The following MGAT4C variants were observed in gnomAD, a reference collection of about 807,000 sequenced individuals.
The protein encoded by MGAT4C is MGAT4 family member C.
A neutral mutation model predicts 40.1 loss-of-function variants in MGAT4C; 19 were observed. The ratio of observed to expected loss-of-function variants is 0.47; its 90% CI spans 0.33 to 0.70. The LOEUF (loss-of-function observed/expected upper bound fraction) is 0.70. Ranked by LOEUF, MGAT4C falls within the 30% of genes least tolerant of loss-of-function variation. MGAT4C has a pLI of 0.02. For missense variants in MGAT4C, 491 were observed against 563.2 expected, an observed-to-expected ratio of 0.87 and a Z score of 1.30; for synonymous variants, 181 against 187.1, an observed-to-expected ratio of 0.97 and a Z score of 0.27.
chr12:86,043,307 C>T (rs563825134), intron 2 of MGAT4C, among the ~76,000 whole-genome samples: 19 of 152,244 alleles, frequency 1.2e-4, no homozygotes, highest in Admixed American at 9.8e-4. Flanking sequence ...CAGTCCAAGT[C>T]CAAAACCTCA....
intron 2 of MGAT4C, among the ~76,000 whole-genome samples, chr12:86,014,086 A>G (rs559658254): frequency 6.6e-5 from 10 of 152,108 alleles, no homozygotes; most frequent in Non-Finnish European, 1.5e-4. Context: ...CAGTTTTCTC[A>G]GGGCTAAGTT....
At chr12:86,012,192 C>CTTTCTATAT (rs767869183) in intron 2 of MGAT4C, among the ~76,000 whole-genome samples, 1 of 152,104 alleles carries the variant, frequency 6.6e-6, no homozygotes, top group Non-Finnish European at 1.5e-5. Context: ...AACGGCATAT[C>CTTTCTATAT]CCACGATACT....
chr12:86,593,547 C>T (rs1243070322), intron 2 of MGAT4C, among the ~76,000 whole-genome samples: 1 of 152,080 alleles, frequency 6.6e-6, no homozygotes, highest in Non-Finnish European at 1.5e-5. Flanking sequence ...AGCTTCATTC[C>T]ATAAATTTTG....
chr12:86,773,932 T>C (rs1951682067), intron 1 of MGAT4C, among the ~76,000 whole-genome samples: 1 of 149,738 alleles, frequency 6.7e-6, no homozygotes, highest in Non-Finnish European at 1.5e-5. Flanking sequence ...TTCACATTTT[T>C]TTAAAGTAAC....
intron 3 of MGAT4C, among the ~76,000 whole-genome samples, chr12:86,404,168 G>C (rs1041816328): frequency 1.3e-5 from 2 of 152,114 alleles, no homozygotes; most frequent in African/African-American, 2.4e-5. Flanking sequence ...GGGCAACAGA[G>C]TGAGATCCTG....
intron 2 of MGAT4C, among the ~76,000 whole-genome samples, chr12:86,638,020 A>T (rs1963272380): frequency 6.6e-6 from 1 of 151,946 alleles, no homozygotes; most frequent in Admixed American, 6.6e-5. Flanking sequence ...CTGTACGCAG[A>T]CTTCCTCCTT....
chr12:86,481,332 G>A (rs969607610), intron 2 of MGAT4C, among the ~76,000 whole-genome samples: 1 of 151,958 alleles, frequency 6.6e-6, no homozygotes, highest in African/African-American at 2.4e-5. Flanking sequence ...TTTTTTTAAA[G>A]TTACAAAACT....
intron 2 of MGAT4C, among the ~76,000 whole-genome samples, chr12:86,636,389 T>C (rs894373280): frequency 1.8e-4 from 28 of 152,062 alleles, no homozygotes; most frequent in African/African-American, 6.8e-4. Context: ...AATAGTACTC[T>C]AGGATGTTTG....
intron 1 of MGAT4C, among the ~76,000 whole-genome samples, chr12:86,200,135 T>G (rs55853886): frequency 3.8e-4 from 34 of 89,318 alleles, no homozygotes; most frequent in African/African-American, 9.5e-4. Context: ...TTGTTTTTTT[T>G]TTTTTTTTTT....
chr12:86,089,387 T>G (rs1206215847), intron 1 of MGAT4C, among the ~76,000 whole-genome samples: 1 of 151,936 alleles, frequency 6.6e-6, no homozygotes, highest in Non-Finnish European at 1.5e-5. Context: ...TCAGATTTTG[T>G]GTCTGTTCTA....
intron 1 of MGAT4C, among the ~76,000 whole-genome samples, chr12:86,099,484 A>G (rs1874559446): frequency 6.6e-6 from 1 of 151,344 alleles, no homozygotes; most frequent in African/African-American, 2.4e-5. Flanking sequence ...AAATTCTACA[A>G]AGAACTTAAA....
At chr12:86,493,824 A>G (rs1958184253) in intron 2 of MGAT4C, among the ~76,000 whole-genome samples, 1 of 152,060 alleles carries the variant, frequency 6.6e-6, no homozygotes, top group South Asian at 2.1e-4. Flanking sequence ...AAAATAAAAT[A>G]AATTATCCTG....
At chr12:86,200,127 GTTTTTT>G in intron 1 of MGAT4C, among the ~76,000 whole-genome samples, 1 of 102,364 alleles carries the variant, frequency 9.8e-6, no homozygotes, top group African/African-American at 4.8e-5. Context: ...GTATGTATTT[GTTTTTT>G]TTTTTTTTTT....
At chr12:86,340,373 G>A (rs983313227) in intron 3 of MGAT4C, among the ~76,000 whole-genome samples, 1 of 152,052 alleles carries the variant, frequency 6.6e-6, no homozygotes, top group African/African-American at 2.4e-5. Flanking sequence ...AAATAAAGCA[G>A]TGTTTAAAAA....
intron 4 of MGAT4C, among the ~76,000 whole-genome samples, chr12:86,293,882 T>G (rs1953591790): frequency 6.6e-6 from 1 of 152,114 alleles, no homozygotes. Flanking sequence ...CTGCCATGAT[T>G]AAAGGTTTCT....
intron 2 of MGAT4C, among the ~76,000 whole-genome samples, chr12:86,671,437 A>G (rs2136564168): frequency 6.6e-6 from 1 of 152,298 alleles, no homozygotes; most frequent in South Asian, 2.1e-4. Flanking sequence ...GAAATCTTAC[A>G]TGCCAGGAGA....
intron 2 of MGAT4C, among the ~76,000 whole-genome samples, chr12:86,489,999 G>T (rs1441352310): frequency 1.3e-5 from 2 of 152,164 alleles, no homozygotes; most frequent in African/African-American, 2.4e-5. Context: ...AAAACACTCT[G>T]CAGGATATCA....
chr12:86,473,701 G>A (rs1028632648), intron 2 of MGAT4C, among the ~76,000 whole-genome samples: 1 of 152,130 alleles, frequency 6.6e-6, no homozygotes, highest in African/African-American at 2.4e-5. Flanking sequence ...TCTGCCTACT[G>A]CATCATTTAT....
chr12:86,547,379 T>G (rs1959200354), intron 2 of MGAT4C, among the ~76,000 whole-genome samples: 1 of 152,008 alleles, frequency 6.6e-6, no homozygotes, highest in Non-Finnish European at 1.5e-5. Flanking sequence ...CTTCCTTTAT[T>G]CTTATGAAGT....
Sources: gnomAD v4.1 joint callset for allele counts (sites outside exome capture counted in the v4.1 genomes callset) on GRCh38, gnomAD v4.1.1 for gene constraint, MANE v1.5 for transcripts, NCBI Gene and HGNC (gene_info 2026-07-23, HGNC 2026-07-21) for gene names.